Variants in SPAG17 observed in about 807,000 individuals in gnomAD.
The protein encoded by SPAG17 is sperm-associated antigen 17.
SPAG17 carries 169 observed loss-of-function variants against 273.6 expected under a neutral mutation model. The ratio of observed to expected loss-of-function variants is 0.62; its 90% confidence interval spans 0.55 to 0.70. The LOEUF (loss-of-function observed/expected upper bound fraction) is 0.70. Among genes scored for constraint, SPAG17 ranks in the 30% least tolerant of loss-of-function variants. SPAG17 has a pLI of 0.00. For missense variants in SPAG17, 2,557 were observed against 2,627.8 expected (o/e 0.97, Z 0.59); for synonymous variants, 825 against 873.2 (o/e 0.94, Z 0.97).
intron 3 of SPAG17, among the ~76,000 whole-genome samples, chr1:118,143,855 G>A (rs964230781): frequency 5.3e-5 from 8 of 152,076 alleles, no homozygotes; most frequent in African/African-American, 1.9e-4. Flanking sequence ...TATTCTTGTG[G>A]CTGGCCCTCC....
At position 118,007,981 on chromosome 1, in the gene SPAG17, G is replaced by A. The variant is rs990100832; in HGVS notation, c.4587+63C>T. On this transcript the variant is annotated intron_variant, in intron 31 of 48. Coordinates refer to ENST00000336338, the MANE Select transcript of SPAG17 (RefSeq NM_206996.4). Reference sequence around the variant, plus strand: ...CAGGCATTTTTACTGCCCCAGAGAAGTGGGTTTTCTCAGCTGAATAGACAC... The same window carrying A: ...CAGGCATTTTTACTGCCCCAGAGAAATGGGTTTTCTCAGCTGAATAGACAC... 34 of 1,597,644 alleles carry A rather than the reference G, an allele frequency of 2.1e-5. No individual in the cohort carries two copies. In the East Asian group the frequency reaches 7.6e-4, roughly 36 times the overall value.
chr1:118,097,616 G>C, intron 7 of SPAG17, 54 bp downstream of exon 7: 1 of 1,389,848 alleles, frequency 7.2e-7, no homozygotes, highest in Non-Finnish European at 9.6e-7. Flanking sequence ...GGAGCAAATA[G>C]AACCACTGTG....
rs1182298305 is a variant in SPAG17 at position 118,028,278 on chromosome 1, A to G, written c.3726T>C (p.Ser1242=). Residue 1242 remains serine, a synonymous_variant, in exon 26 of 49, where the codon TCT becomes TCC. Transcript: ENST00000336338. The stretch of plus-strand genomic sequence containing the variant: ...CCTACCCCATATAGCACTTACCTGT[A>G]GATTCTTGTCCAATGAAAGTCAACA... ...GLLLTFIGQE[S]TGQYVIDEEP... is the part of the protein sequence containing the mutation. The G allele has an allele frequency of 1.2e-6, 2 of 1,613,314 alleles. No homozygotes were observed. Among genetic ancestry groups the G allele is most frequent in the South Asian group, 2.2e-5 (2 of 90,940 alleles).
intron 48 of SPAG17, chr1:117,955,012 G>A: frequency 2.6e-6 from 1 of 386,928 alleles, no homozygotes; most frequent in Non-Finnish European, 4.6e-6. Flanking sequence ...GAGAATGTAT[G>A]TTTATCTAGT....
intron 4 of SPAG17, among the ~76,000 whole-genome samples, chr1:118,107,153 A>C (rs1275084358): frequency 1.3e-5 from 2 of 152,190 alleles, no homozygotes; most frequent in Non-Finnish European, 2.9e-5. Context: ...AAGACACACA[A>C]CTGTGGTAGA....
chr1:117,963,690 C>T, intron 48 of SPAG17, 109 bp downstream of exon 48: 1 of 1,022,440 alleles, frequency 9.8e-7, no homozygotes, highest in Non-Finnish European at 1.4e-6. Flanking sequence ...TTCATTCAGG[C>T]CAGGTGGCTT....
chr1:118,134,075 G>T (rs1345422491), intron 3 of SPAG17, among the ~76,000 whole-genome samples: 1 of 152,182 alleles, frequency 6.6e-6, no homozygotes, highest in Non-Finnish European at 1.5e-5. Context: ...CATACAAATT[G>T]TCTTGAATGC....
At chr1:118,123,510 T>C (rs1174675731) in intron 3 of SPAG17, among the ~76,000 whole-genome samples, 1 of 152,228 alleles carries the variant, frequency 6.6e-6, no homozygotes. Context: ...AGGTTCCATA[T>C]AGATCATACT....
At chr1:118,056,712 T>C (rs541957503) in intron 18 of SPAG17, among the ~76,000 whole-genome samples, 75 of 152,288 alleles carry the variant, frequency 4.9e-4, no homozygotes, top group Middle Eastern at 3.4e-3. Flanking sequence ...TATACTCAGG[T>C]TGTTTAATAG....
intron 7 of SPAG17, among the ~76,000 whole-genome samples, chr1:118,096,044 G>A (rs1244893484): frequency 6.6e-6 from 1 of 152,156 alleles, no homozygotes; most frequent in Non-Finnish European, 1.5e-5. Context: ...CAGAGAACAA[G>A]GCTGAGATTC....
intron 4 of SPAG17, among the ~76,000 whole-genome samples, chr1:118,108,420 G>C (rs1325525841): frequency 3.3e-5 from 5 of 152,118 alleles, no homozygotes; most frequent in Admixed American, 1.3e-4. Flanking sequence ...AGTGGGAATG[G>C]AGTTAACCAG....
chr1:117,984,898 T>G (rs1183034385), intron 40 of SPAG17, 116 bp from the exon 41 acceptor site: 9 of 653,772 alleles, frequency 1.4e-5, no homozygotes, highest in Non-Finnish European at 1.9e-5. Context: ...ACAATAAAAC[T>G]GACAAGAATT....
chr1:118,158,722 T>A (rs1659773134), intron 1 of SPAG17, among the ~76,000 whole-genome samples: 1 of 152,204 alleles, frequency 6.6e-6, no homozygotes, highest in Non-Finnish European at 1.5e-5. Flanking sequence ...TACCTGCTAT[T>A]CAGCTCAGAG....
At chr1:118,085,388 T>C (rs1654909501) in intron 13 of SPAG17, among the ~76,000 whole-genome samples, 1 of 152,246 alleles carries the variant, frequency 6.6e-6, no homozygotes, top group Non-Finnish European at 1.5e-5. Context: ...CTCTTCCCTC[T>C]TTCCAGATAA....
At chr1:118,075,793 G>A (rs992129808) in intron 15 of SPAG17, among the ~76,000 whole-genome samples, 3 of 152,080 alleles carry the variant, frequency 2.0e-5, no homozygotes, top group East Asian at 1.9e-4. Flanking sequence ...TGTCTTGAGG[G>A]TCTTGCACTT....
In SPAG17 at chr1:118,150,667, C is replaced by T. The variant is rs201273644; in HGVS notation, c.229-38G>A. 1.4e-4 allele frequency: 165 copies of T among 1,214,856 alleles called. No homozygotes were observed. The African/African-American group carries it at 2.3e-3, about 17-fold the overall frequency. 75.3% of individuals were successfully genotyped at this position (1,214,856 alleles called of 1,614,324 possible). Reference sequence around the variant, plus strand: ...TAAATTTACTTATGATGAAAAAAGCCTTATTTGAAGAATACTTAGATATAT... The same window carrying T: ...TAAATTTACTTATGATGAAAAAAGCTTTATTTGAAGAATACTTAGATATAT... On this transcript the variant is annotated intron_variant, in intron 2 of 48. Transcript: ENST00000336338.
intron 3 of SPAG17, among the ~76,000 whole-genome samples, chr1:118,147,479 TTC>T (rs1659078928): frequency 6.6e-6 from 1 of 151,180 alleles, no homozygotes; most frequent in Non-Finnish European, 1.5e-5. Flanking sequence ...AATAATAATA[TTC>T]TGTTCTCATT....
intron 39 of SPAG17, 52 bp from the exon 40 acceptor site, chr1:117,987,933 A>T (rs768994705): frequency 6.6e-5 from 105 of 1,602,250 alleles, no homozygotes; most frequent in Non-Finnish European, 8.6e-5. Context: ...ATTTCAGCTT[A>T]AAAACAAAAC....
chr1:118,131,105 G>A (rs538660783), intron 3 of SPAG17, among the ~76,000 whole-genome samples: 1 of 152,210 alleles, frequency 6.6e-6, no homozygotes, highest in African/African-American at 2.4e-5. Context: ...TTAGGATATA[G>A]ATTCCTTAGG....
Sources: allele counts gnomAD v4.1 joint callset (sites outside exome capture counted in the v4.1 genomes callset), GRCh38; gene constraint gnomAD v4.1.1; transcripts MANE v1.5; gene names NCBI Gene and HGNC (gene_info 2026-07-23, HGNC 2026-07-21).